The following PIGU variants were observed in gnomAD, a reference collection of about 807,000 sequenced individuals.
The protein encoded by PIGU is phosphatidylinositol glycan anchor biosynthesis class U.
Under a neutral mutation model 49.9 loss-of-function variants are expected in PIGU, and 24 were observed. The observed-to-expected ratio is 0.48, with a 90% confidence interval of 0.35 to 0.68. The LOEUF (loss-of-function observed/expected upper bound fraction) is 0.68. Ranked by LOEUF, PIGU falls within the 30% of genes least tolerant of loss-of-function variation. The pLI is 0.01. For synonymous variants in PIGU, 220 were observed against 205.7 expected, an observed-to-expected ratio of 1.07 and a Z score of -0.59; for missense variants, 490 against 532.6, an observed-to-expected ratio of 0.92 and a Z score of 0.79.
intron 1 of PIGU, among the ~76,000 whole-genome samples, chr20:34,668,112 G>T (rs1355458690): frequency 6.6e-6 from 1 of 152,132 alleles, no homozygotes; most frequent in African/African-American, 2.4e-5. Flanking sequence ...GGTCATAAAA[G>T]ATGAGGAAAT....
chr20:34,610,987 GA>G (rs1257151175), intron 7 of PIGU, among the ~76,000 whole-genome samples: 1 of 152,136 alleles, frequency 6.6e-6, no homozygotes, highest in Non-Finnish European at 1.5e-5. Flanking sequence ...TGGTGCTGGG[GA>G]AACTGGCTAG....
chr20:34,578,374 A>G (rs1383144948), intron 10 of PIGU, among the ~76,000 whole-genome samples: 1 of 152,188 alleles, frequency 6.6e-6, no homozygotes, highest in Non-Finnish European at 1.5e-5. Flanking sequence ...AGGAGAACAA[A>G]TGCTTCCCAC....
chr20:34,581,407 T>C, intron 10 of PIGU, 141 bp downstream of exon 10: 1 of 1,184,738 alleles, frequency 8.4e-7, no homozygotes, highest in Non-Finnish European at 1.2e-6. Flanking sequence ...GAAGCAGATA[T>C]TGTGCTTCAT....
intron 11 of PIGU, among the ~76,000 whole-genome samples, chr20:34,569,512 C>G (rs534655039): frequency 1.3e-5 from 2 of 152,074 alleles, no homozygotes; most frequent in African/African-American, 4.8e-5. Context: ...ATTACAGGCA[C>G]GAGCTACTGC....
chr20:34,663,875 G>A lies in PIGU; in HGVS notation c.131-6631C>T, dbSNP rs114735687. 4.1e-3 allele frequency among the ~76,000 whole-genome samples: 630 copies of A among 152,312 alleles called. 14 individuals are homozygous for A. Among genetic ancestry groups the A allele is most frequent in the African/African-American group, 0.014 (568 of 41,578 alleles). ...CTCTACAGGGCACCAGTATGCGGCCGTCCAGGCACATCACTCTCCACTTGT... is the reference window on the plus strand; with the variant it reads ...CTCTACAGGGCACCAGTATGCGGCCATCCAGGCACATCACTCTCCACTTGT... On this transcript the variant is annotated intron_variant, in intron 1 of 11. Coordinates refer to ENST00000217446, the MANE Select transcript of PIGU (RefSeq NM_080476.5).
At chr20:34,632,352 A>G (rs533428661) in intron 6 of PIGU, among the ~76,000 whole-genome samples, 28 of 152,214 alleles carry the variant, frequency 1.8e-4, no homozygotes, top group African/African-American at 6.5e-4. Flanking sequence ...GAATAACTCA[A>G]AATATATATC....
chr20:34,645,060 C>T (rs1373590005), intron 3 of PIGU, among the ~76,000 whole-genome samples: 1 of 150,724 alleles, frequency 6.6e-6, no homozygotes, highest in Non-Finnish European at 1.5e-5. Flanking sequence ...TTTTCTTAAA[C>T]ACAAGATGAC....
intron 10 of PIGU, chr20:34,579,497 CT>C (rs1187097008): frequency 6.6e-6 from 1 of 152,200 alleles, no homozygotes; most frequent in African/African-American, 2.4e-5. Flanking sequence ...TCAACGTAGG[CT>C]TAAACACGTC....
chr20:34,620,607 C>G (rs535293579), intron 6 of PIGU, among the ~76,000 whole-genome samples: 1 of 151,766 alleles, frequency 6.6e-6, no homozygotes, highest in Non-Finnish European at 1.5e-5. Flanking sequence ...GTCGGGAGAT[C>G]GAGACCATCC....
chr20:34,659,306 G>T (rs1435071096), intron 1 of PIGU, among the ~76,000 whole-genome samples: 2 of 144,530 alleles, frequency 1.4e-5, no homozygotes, highest in African/African-American at 2.6e-5. Context: ...GAGGTGGGGG[G>T]GTCAGCCCCC....
chr20:34,662,359 G>T (rs1210688474), intron 1 of PIGU, among the ~76,000 whole-genome samples: 1 of 150,482 alleles, frequency 6.6e-6, no homozygotes, highest in East Asian at 1.9e-4. Flanking sequence ...AGTGGTGCTG[G>T]AATTACAGGT....
At position 34,650,207 on chromosome 20, in the gene PIGU, C is replaced by T. The variant is rs200782741; in HGVS notation, c.196-4873G>A. On this transcript the variant is annotated intron_variant, in intron 2 of 11. Transcript: ENST00000217446. ...GAATTTCCGTTTGATTCATTTTTTA[C>T]ATACCCTGGTGAAATTATTCTGTTA... is the stretch of plus-strand genomic sequence containing the variant. Among the ~76,000 whole-genome samples, 40 of 152,168 alleles carry T rather than the reference C, an allele frequency of 2.6e-4. No individual in the cohort carries two copies. In the East Asian group the frequency reaches 4.6e-3, roughly 18 times the overall value.
At chr20:34,575,011 C>A (rs1983164386) in intron 11 of PIGU, 93 bp downstream of exon 11, 2 of 1,518,368 alleles carry the variant, frequency 1.3e-6, no homozygotes, top group South Asian at 1.2e-5. Context: ...CGTCTGCACC[C>A]CCCGGTATGC....
rs1363797497 is a variant in PIGU, at chr20:34,634,682, A to G, written c.462T>C (p.Cys154=). 2.5e-6 allele frequency: 4 copies of G among 1,613,082 alleles called. No homozygotes were observed. Among genetic ancestry groups the G allele is most frequent in the African/African-American group, 2.7e-5 (2 of 75,036 alleles). Residue 154 remains cysteine (C), a synonymous_variant, in exon 6 of 12, where the codon TGT becomes TGC. Transcript: ENST00000217446. ...YLLNPYTILS[C]VAKSTCAINN... is the part of the protein sequence containing the mutation. ...TGATGGCACAGGTAGACTTGGCAACACAAGACAAAATCGTGTAAGGATTTA... is the reference window on the plus strand; with the variant it reads ...TGATGGCACAGGTAGACTTGGCAACGCAAGACAAAATCGTGTAAGGATTTA...
chr20:34,614,482 G>A (rs560535650), intron 7 of PIGU, among the ~76,000 whole-genome samples: 10 of 151,762 alleles, frequency 6.6e-5, no homozygotes, highest in African/African-American at 1.2e-4. Context: ...AAAATTAGCC[G>A]GGTGTGGTGG....
At chr20:34,645,097 T>C (rs1986290600) in intron 3 of PIGU, among the ~76,000 whole-genome samples, 178 bp downstream of exon 3, 1 of 150,002 alleles carries the variant, frequency 6.7e-6, no homozygotes, top group Admixed American at 6.7e-5. Flanking sequence ...CATGTGTCCA[T>C]AGTCCCAGCA....
At chr20:34,666,685 TTC>T (rs1987108656) in intron 1 of PIGU, among the ~76,000 whole-genome samples, 2 of 142,588 alleles carry the variant, frequency 1.4e-5, no homozygotes, top group African/African-American at 5.5e-5. Flanking sequence ...ACCTGACTAA[TTC>T]TTTTTTTTTT....
At chr20:34,565,289 G>A (rs1407807793) in intron 11 of PIGU, among the ~76,000 whole-genome samples, 1 of 150,694 alleles carries the variant, frequency 6.6e-6, no homozygotes, top group Non-Finnish European at 1.5e-5. Context: ...ACGAAGTCTC[G>A]CTCTGTCACC....
At chr20:34,610,654 C>T (rs1254663791) in intron 7 of PIGU, among the ~76,000 whole-genome samples, 2 of 152,142 alleles carry the variant, frequency 1.3e-5, no homozygotes, top group Non-Finnish European at 2.9e-5. Flanking sequence ...AGATTCAATG[C>T]TATTCCCATC....
Sources: allele counts gnomAD v4.1 joint callset (sites outside exome capture counted in the v4.1 genomes callset), GRCh38; gene constraint gnomAD v4.1.1; transcripts MANE v1.5; gene names NCBI Gene and HGNC (gene_info 2026-07-23, HGNC 2026-07-21).